Variants in QTGAL observed in about 807,000 individuals in gnomAD.
The protein encoded by QTGAL is queuosine-tRNA galactosyltransferase, also known as BGnT-like protein 1.
chr17:82,956,179 T>C, the QTGAL span, among the ~76,000 whole-genome samples: 2 of 151,268 alleles, frequency 1.3e-5, no homozygotes, highest in Non-Finnish European at 1.5e-5. This position sits in a 1 kb window ranked among gnomAD's most constrained non-coding sequence, Gnocchi z 5.7. Context: ...AAAAAAAAAC[T>C]ACTCACCTCA....
At chr17:82,988,312 A>G in the QTGAL span, among the ~76,000 whole-genome samples, 1 of 152,220 alleles carries the variant, frequency 6.6e-6, no homozygotes, top group Non-Finnish European at 1.5e-5. Context: ...ATATGCAGAA[A>G]ACTGAAACTG....
the QTGAL span, among the ~76,000 whole-genome samples, chr17:83,016,438 G>T: frequency 6.6e-6 from 1 of 151,522 alleles, no homozygotes; most frequent in Non-Finnish European, 1.5e-5. Context: ...CAGAGGGGAA[G>T]TGGGAGGAGG....
chr17:82,962,888 A>G, the QTGAL span, among the ~76,000 whole-genome samples: 1 of 137,602 alleles, frequency 7.3e-6, no homozygotes, highest in Non-Finnish European at 1.6e-5. Flanking sequence ...AGGGGGACGC[A>G]GAGGATCTGT....
At chr17:83,005,055 T>G in the QTGAL span, 1,827 of 1,376,474 alleles carry the variant, frequency 1.3e-3, no homozygotes, top group Non-Finnish European at 1.7e-3. This position sits in a 1 kb window ranked among gnomAD's most constrained non-coding sequence, Gnocchi z 5.6. Context: ...GCATAATGCA[T>G]GAGATGGCGC....
the QTGAL span, chr17:82,948,258 C>G: frequency 1.3e-5 from 2 of 152,070 alleles, no homozygotes; most frequent in African/African-American, 4.8e-5. Flanking sequence ...GGCTGGCGAC[C>G]AAGTGCCCAG....
chr17:83,012,873 C>A, the QTGAL span, among the ~76,000 whole-genome samples: 1 of 152,188 alleles, frequency 6.6e-6, no homozygotes, highest in South Asian at 2.1e-4. Context: ...CCCCACAGCA[C>A]CTGTGGCTGG....
chr17:82,942,244 TGGG>T, the QTGAL span: 2 of 623,512 alleles, frequency 3.2e-6, no homozygotes, highest in Non-Finnish European at 5.6e-6. Flanking sequence ...GCTCCCCAGA[TGGG>T]GTGCCCTTCC....
chr17:82,963,905 C>T, the QTGAL span, among the ~76,000 whole-genome samples: 2 of 151,596 alleles, frequency 1.3e-5, no homozygotes, highest in South Asian at 4.2e-4. Flanking sequence ...TGAATTATAC[C>T]TCAATAAAGC....
the QTGAL span, among the ~76,000 whole-genome samples, chr17:82,963,005 T>G: frequency 1.3e-5 from 2 of 152,132 alleles, no homozygotes; most frequent in African/African-American, 4.8e-5. Context: ...GTGCCTGGAC[T>G]GCCCTGTGGT....
chr17:82,952,071 A>G, the QTGAL span, among the ~76,000 whole-genome samples: 9 of 152,236 alleles, frequency 5.9e-5, no homozygotes, highest in African/African-American at 2.2e-4. Flanking sequence ...AAAATGCACA[A>G]TGAAGTGCAA....
chr17:82,992,198 G>C, the QTGAL span, among the ~76,000 whole-genome samples: 2 of 152,066 alleles, frequency 1.3e-5, no homozygotes, highest in Non-Finnish European at 2.9e-5. Context: ...CAAGAATAAA[G>C]AGGTTATAGA....
At chr17:83,026,823 G>A in the QTGAL span, among the ~76,000 whole-genome samples, 1 of 105,372 alleles carries the variant, frequency 9.5e-6, no homozygotes, top group African/African-American at 4.1e-5. Context: ...GAGCAGGGCG[G>A]GGAGCCTGCA....
chr17:83,051,130 G>A, the QTGAL span, among the ~76,000 whole-genome samples: 1 of 149,524 alleles, frequency 6.7e-6, no homozygotes, highest in African/African-American at 2.5e-5. Flanking sequence ...AGGAGCGCGG[G>A]GCACGTGTGT....
At chr17:82,974,588 T>G in the QTGAL span, among the ~76,000 whole-genome samples, 1 of 151,856 alleles carries the variant, frequency 6.6e-6, no homozygotes, top group African/African-American at 2.4e-5. Flanking sequence ...ATTTGCGGAG[T>G]GAGCTCAGGC....
At chr17:83,013,180 A>G in the QTGAL span, among the ~76,000 whole-genome samples, 2 of 151,684 alleles carry the variant, frequency 1.3e-5, no homozygotes, top group African/African-American at 4.8e-5. Context: ...ATGTGCCCCC[A>G]CAGAAGGCCC....
the QTGAL span, among the ~76,000 whole-genome samples, chr17:83,016,400 A>C: frequency 1.3e-5 from 2 of 151,670 alleles, no homozygotes; most frequent in African/African-American, 4.8e-5. Context: ...AGAGGAACCT[A>C]GTGGGGCTGA....
chr17:82,997,506 C>T, the QTGAL span, among the ~76,000 whole-genome samples: 1 of 152,144 alleles, frequency 6.6e-6, no homozygotes, highest in African/African-American at 2.4e-5. Flanking sequence ...AATAGAGCCA[C>T]TGTATGATCC....
the QTGAL span, chr17:82,942,749 G>A: frequency 1.9e-6 from 1 of 530,146 alleles, no homozygotes; most frequent in South Asian, 2.4e-5. Flanking sequence ...AGGGGTGATG[G>A]AAAGGCTCAC....
the QTGAL span, among the ~76,000 whole-genome samples, chr17:83,038,720 G>A: frequency 2.7e-4 from 41 of 152,218 alleles, 1 homozygote; most frequent in South Asian, 4.6e-3. Context: ...TTAGCCGGGC[G>A]TGGTGGCGGG....
Sources: gnomAD v4.1 joint callset for allele counts (sites outside exome capture counted in the v4.1 genomes callset) on GRCh38, gnomAD v4.1.1 for gene constraint, Gnocchi (gnomAD v3.1) non-coding constraint, MANE v1.5 for transcripts, NCBI Gene and HGNC (gene_info 2026-07-23, HGNC 2026-07-21) for gene names.